The following VWA8 variants were observed in gnomAD, a reference collection of about 807,000 sequenced individuals.
VWA8 encodes von Willebrand factor A domain containing 8, also known as von Willebrand factor A domain-containing protein 8.
A neutral mutation model predicts 241.5 loss-of-function variants in VWA8; 221 were observed. That is an observed-to-expected ratio of 0.91 (90% CI 0.82 to 1.02). VWA8 has a LOEUF of 1.02. VWA8 is among the 50% of genes least tolerant of loss of function. The probability of loss-of-function intolerance (pLI) is 0.00; values close to 1 mark genes in which losing one functional copy is unlikely to be tolerated. For synonymous variants in VWA8, 852 were observed against 827.1 expected (o/e 1.03, Z -0.52); for missense variants, 2,322 against 2,328.7 (o/e 1.00, Z 0.06).
At chr13:41,705,115 C>T (rs758329485) in intron 26 of VWA8, among the ~76,000 whole-genome samples, 23 of 152,130 alleles carry the variant, frequency 1.5e-4, no homozygotes, top group Non-Finnish European at 2.4e-4. Context: ...ACAAGAGGAA[C>T]GAAATTAAAA....
intron 26 of VWA8, 72 bp downstream of exon 26, chr13:41,719,519 T>A (rs1593717536): frequency 6.2e-7 from 1 of 1,602,176 alleles, no homozygotes; most frequent in East Asian, 2.2e-5. Flanking sequence ...AGCAACTCAG[T>A]TTTGTAGAAT....
intron 37 of VWA8, among the ~76,000 whole-genome samples, chr13:41,624,760 A>C (rs1328138357): frequency 6.6e-6 from 1 of 152,194 alleles, no homozygotes; most frequent in African/African-American, 2.4e-5. Flanking sequence ...TTGAGAATCG[A>C]AACAAGACAA....
At chr13:41,945,068 A>G (rs1013120885) in intron 2 of VWA8, among the ~76,000 whole-genome samples, 1 of 152,202 alleles carries the variant, frequency 6.6e-6, no homozygotes, top group Non-Finnish European at 1.5e-5. Flanking sequence ...GAGGGTCCAC[A>G]CAAGCAGAAA....
chr13:41,949,916 T>C lies in VWA8; in HGVS notation c.241+20A>G. On this transcript the variant is annotated intron_variant, in intron 2 of 44. Coordinates refer to ENST00000379310, the MANE Select transcript of VWA8 (RefSeq NM_015058.2). Reference sequence around the variant, plus strand: ...AAAAGTTAAAAGTTATTCATTCATATATTAATAAATATTTCTTACTGTAGT... The same window carrying C: ...AAAAGTTAAAAGTTATTCATTCATACATTAATAAATATTTCTTACTGTAGT... 1 of 1,429,072 alleles carries C rather than the reference T, an allele frequency of 7.0e-7. No individual in the cohort carries two copies. Among genetic ancestry groups the C allele is most frequent in the Non-Finnish European group, 9.6e-7 (1 of 1,046,316 alleles). 88.5% of individuals were successfully genotyped at this position (1,429,072 alleles called of 1,614,324 possible). A position where few individuals can be genotyped will look rare whatever the true frequency, so the allele number is the denominator to read the frequency against.
At chr13:41,573,486 A>AATAAATAAATAAATAAATATATAT (rs1555303591) in intron 43 of VWA8, among the ~76,000 whole-genome samples, 24 of 113,594 alleles carry the variant, frequency 2.1e-4, no homozygotes, top group African/African-American at 7.5e-4. Flanking sequence ...AAAAAAAAAA[A>AATAAATAAATAAATAAATATATAT]ATATATATAT....
At chr13:41,881,615 G>A (rs1874197151) in intron 9 of VWA8, among the ~76,000 whole-genome samples, 1 of 150,674 alleles carries the variant, frequency 6.6e-6, no homozygotes, top group Non-Finnish European at 1.5e-5. Context: ...AGGCAGAGGG[G>A]CTCCTCACTT....
chr13:41,903,156 A>G lies in VWA8; in HGVS notation c.483+4430T>C, dbSNP rs112053775. On this transcript the variant is annotated intron_variant, in intron 4 of 44. Coordinates refer to ENST00000379310, the MANE Select transcript of VWA8 (RefSeq NM_015058.2). ...TGGTAGTCAACTGGCAAATTCATCT[A>G]TCTAGAATTCAAATGGAAATTATCC... Among the ~76,000 whole-genome samples the G allele has an allele frequency of 3.3e-3, 506 of 152,342 alleles. 4 individuals carry two copies. Among genetic ancestry groups the G allele is most frequent in the African/African-American group, 0.012 (481 of 41,580 alleles).
In VWA8 at chr13:41,850,126, G is replaced by A. The variant is rs1329970978; in HGVS notation, c.1425+15610C>T. On this transcript the variant is annotated intron_variant, in intron 12 of 44. Transcript: ENST00000379310. The stretch of plus-strand genomic sequence containing the variant: ...GTTCCTTATTTGGTGGGATTCCTTG[G>A]TCATTTTACCTTTGTTTTCTTTCTT... 3.3e-5 allele frequency among the ~76,000 whole-genome samples: 5 copies of A among 152,180 alleles called. No homozygotes were observed. The East Asian group carries it at 9.7e-4, about 29-fold the overall frequency.
chr13:41,716,159 G>C (rs924559831), intron 26 of VWA8, among the ~76,000 whole-genome samples: 2 of 151,980 alleles, frequency 1.3e-5, no homozygotes, highest in Admixed American at 1.3e-4. Flanking sequence ...AGCCAATTCT[G>C]ATCCTGGTAC....
intron 10 of VWA8, among the ~76,000 whole-genome samples, chr13:41,867,286 A>G (rs1206728296): frequency 6.6e-6 from 1 of 152,168 alleles, no homozygotes; most frequent in African/African-American, 2.4e-5. Flanking sequence ...AGCTTTCCCT[A>G]TTCCGTCTCC....
chr13:41,823,196 G>C (rs990749017), intron 14 of VWA8, among the ~76,000 whole-genome samples: 5 of 152,014 alleles, frequency 3.3e-5, no homozygotes, highest in Non-Finnish European at 5.9e-5. Flanking sequence ...GATAGTGCTT[G>C]GATCCTGTCT....
At chr13:41,851,941 T>C (rs1366505906) in intron 12 of VWA8, among the ~76,000 whole-genome samples, 1 of 152,218 alleles carries the variant, frequency 6.6e-6, no homozygotes, top group Non-Finnish European at 1.5e-5. Flanking sequence ...CCTTTGTATA[T>C]ACACCCAGAA....
rs1204420758 is a variant in VWA8 at position 41,830,662 on chromosome 13, G to T, written c.1587-20C>A. 6.2e-7 allele frequency: 1 copy of T among 1,602,436 alleles called. No homozygotes were observed. The highest frequency in any genetic ancestry group is 8.5e-7 in the Non-Finnish European group (1 of 1,171,882). ...ATTAACCTAACAAGATAAGAAAAAAGCCCGAAAATAAATTAATGTGTTTTG... is the reference window on the plus strand; with the variant it reads ...ATTAACCTAACAAGATAAGAAAAAATCCCGAAAATAAATTAATGTGTTTTG... On this transcript the variant is annotated intron_variant, in intron 13 of 44. Coordinates refer to ENST00000379310, the MANE Select transcript of VWA8 (RefSeq NM_015058.2).
intron 40 of VWA8, among the ~76,000 whole-genome samples, chr13:41,595,765 A>G (rs2044484169): frequency 6.6e-6 from 1 of 152,072 alleles, no homozygotes; most frequent in Admixed American, 6.6e-5. Context: ...AATTCTGCTG[A>G]TTTCAGTTTG....
At chr13:41,840,019 C>T (rs1871923434) in intron 12 of VWA8, among the ~76,000 whole-genome samples, 1 of 152,146 alleles carries the variant, frequency 6.6e-6, no homozygotes, top group Non-Finnish European at 1.5e-5. Flanking sequence ...AATGTTTTCC[C>T]ATTTGCTTAT....
intron 2 of VWA8, among the ~76,000 whole-genome samples, chr13:41,921,883 T>C (rs186954248): frequency 2.0e-4 from 30 of 152,224 alleles, no homozygotes; most frequent in African/African-American, 6.3e-4. Flanking sequence ...AGACTCAATG[T>C]CATCTCCATC....
chr13:41,922,267 C>T (rs1406557464), intron 2 of VWA8, among the ~76,000 whole-genome samples: 1 of 152,120 alleles, frequency 6.6e-6, no homozygotes, highest in East Asian at 1.9e-4. Flanking sequence ...TCCTTACACC[C>T]TATACAAAAA....
chr13:41,655,716 TC>T (rs2044900241), intron 37 of VWA8, among the ~76,000 whole-genome samples: 1 of 152,204 alleles, frequency 6.6e-6, no homozygotes, highest in Admixed American at 6.5e-5. Flanking sequence ...ATTAGTGATA[TC>T]TTCCTCAGAG....
rs1050031920 is a variant in VWA8 at position 41,698,922 on chromosome 13, T to C, written c.3564+149A>G. ...AAAAGAAGATATTAGCCTGCCTTTG[T>C]AGTACTGATAAAATGCAACTCCTGA... On this transcript the variant is annotated intron_variant, in intron 29 of 44. Transcript: ENST00000379310. The C allele has an allele frequency of 7.5e-6, 7 of 937,880 alleles. No individual in the cohort carries two copies. In the South Asian group the frequency reaches 8.2e-5, roughly 11 times the overall value. 58.1% of individuals were successfully genotyped at this position (937,880 alleles called of 1,614,324 possible).
Sources: allele counts gnomAD v4.1 joint callset (sites outside exome capture counted in the v4.1 genomes callset), GRCh38; gene constraint gnomAD v4.1.1; transcripts MANE v1.5; gene names NCBI Gene and HGNC (gene_info 2026-07-23, HGNC 2026-07-21).